The following SEPTIN14 variants were observed in gnomAD, a reference collection of about 807,000 sequenced individuals.
SEPTIN14 encodes the protein septin-14.
SEPTIN14 carries 40 observed loss-of-function variants against 53.6 expected under a neutral mutation model. The ratio of observed to expected loss-of-function variants is 0.75; its 90% confidence interval spans 0.58 to 0.97. SEPTIN14 has a LOEUF of 0.97. Ranked by LOEUF, SEPTIN14 falls within the 50% of genes least tolerant of loss-of-function variation. The pLI is 0.00. For synonymous variants in SEPTIN14, 138 were observed against 166.8 expected (o/e 0.83, Z 1.33); for missense variants, 471 against 508.2 (o/e 0.93, Z 0.70).
intron 7 of SEPTIN14, among the ~76,000 whole-genome samples, chr7:55,817,478 T>TATATA (rs200629230): frequency 3.6e-5 from 4 of 112,512 alleles, no homozygotes; most frequent in African/African-American, 1.4e-4. Flanking sequence ...ATATATATAT[T>TATATA]TTTTTTTTTT....
At chr7:55,859,245 A>T (rs913456395) in intron 2 of SEPTIN14, among the ~76,000 whole-genome samples, 3 of 151,596 alleles carry the variant, frequency 2.0e-5, no homozygotes, top group Non-Finnish European at 4.4e-5. Context: ...TCTTACTTTT[A>T]GGTCTTTTAT....
chr7:55,805,429 G>A, intron 8 of SEPTIN14, 39 bp from the exon 9 acceptor site: 2 of 1,473,788 alleles, frequency 1.4e-6, no homozygotes, highest in East Asian at 2.5e-5. Flanking sequence ...ATTAAAATGA[G>A]GTAGGAGGAT....
intron 2 of SEPTIN14, among the ~76,000 whole-genome samples, chr7:55,856,776 A>G (rs1467856291): frequency 6.6e-6 from 1 of 152,178 alleles, no homozygotes; most frequent in African/African-American, 2.4e-5. Flanking sequence ...TAGCGCTGAG[A>G]TGAAAACAAG....
chr7:55,804,877 TCAA>T (rs746087880), intron 9 of SEPTIN14, among the ~76,000 whole-genome samples: 3 of 152,198 alleles, frequency 2.0e-5, no homozygotes, highest in Admixed American at 6.5e-5. Flanking sequence ...CCAGCATTAG[TCAA>T]CATTTGCTTT....
intron 7 of SEPTIN14, chr7:55,811,328 G>A (rs1181800509): frequency 1.2e-5 from 6 of 508,510 alleles, no homozygotes; most frequent in East Asian, 1.1e-4. Flanking sequence ...CTTTGCAGTC[G>A]AAGTCTTTAA....
rs373430126 is a variant in SEPTIN14 at position 55,795,906 on chromosome 7, G to T, written c.*7C>A. 21 of 1,578,898 alleles carry T rather than the reference G, an allele frequency of 1.3e-5. No individual in the cohort carries two copies. Among genetic ancestry groups the T allele is most frequent in the African/African-American group, 1.1e-4 (8 of 74,484 alleles). Reference sequence around the variant, plus strand: ...TGATAGGGCTCTCAGAATAGTAAGAGAAACTATTATTTCTTACGATGTTTG... The same window carrying T: ...TGATAGGGCTCTCAGAATAGTAAGATAAACTATTATTTCTTACGATGTTTG... On this transcript the variant is annotated 3_prime_UTR_variant, in exon 10 of 10. Coordinates refer to ENST00000388975, the MANE Select transcript of SEPTIN14 (RefSeq NM_207366.3).
chr7:55,854,188 T>A (rs1378005282), intron 2 of SEPTIN14, among the ~76,000 whole-genome samples: 1 of 152,094 alleles, frequency 6.6e-6, no homozygotes, highest in East Asian at 1.9e-4. Context: ...AAAATCACCA[T>A]ATGACTGACT....
chr7:55,860,532 A>T (rs1370604137), intron 2 of SEPTIN14, among the ~76,000 whole-genome samples: 2 of 152,130 alleles, frequency 1.3e-5, no homozygotes, highest in Non-Finnish European at 2.9e-5. Flanking sequence ...AAAAGAGGGG[A>T]TTTGAAATGT....
chr7:55,827,131 T>C (rs1024457835), intron 6 of SEPTIN14, among the ~76,000 whole-genome samples: 2 of 152,178 alleles, frequency 1.3e-5, no homozygotes, highest in Admixed American at 1.3e-4. Flanking sequence ...ATCAAGAAAA[T>C]GGCTAGCCCA....
intron 5 of SEPTIN14, 136 bp from the exon 6 acceptor site, chr7:55,834,722 A>G (rs1259317526): frequency 3.4e-6 from 2 of 585,580 alleles, no homozygotes; most frequent in Non-Finnish European, 5.7e-6. Flanking sequence ...GGCTCACTGC[A>G]AGCTCCGCCT....
chr7:55,862,183 C>T (rs1789760458), intron 1 of SEPTIN14, among the ~76,000 whole-genome samples, 172 bp from the exon 2 acceptor site: 1 of 152,114 alleles, frequency 6.6e-6, no homozygotes, highest in South Asian at 2.1e-4. Context: ...TGGGCTTCTA[C>T]ATGATGAATA....
At chr7:55,802,025 A>G in intron 9 of SEPTIN14, among the ~76,000 whole-genome samples, 1 of 137,460 alleles carries the variant, frequency 7.3e-6, no homozygotes, top group African/African-American at 2.9e-5. Context: ...TATGAGACGG[A>G]GTCTTGCTCT....
chr7:55,857,109 A>G (rs1789644667), intron 2 of SEPTIN14, among the ~76,000 whole-genome samples: 1 of 151,726 alleles, frequency 6.6e-6, no homozygotes, highest in South Asian at 2.1e-4. Context: ...GTGGTGGCTT[A>G]CACCTGTATT....
At chr7:55,853,896 CGTGAGCTCAGGAGTTCGA>C (rs1207276651) in intron 2 of SEPTIN14, among the ~76,000 whole-genome samples, 1 of 152,008 alleles carries the variant, frequency 6.6e-6, no homozygotes, top group Non-Finnish European at 1.5e-5. Flanking sequence ...TGGAAGATCG[CGTGAGCTCAGGAGTTCGA>C]GACCAATCTG....
rs1204076536 is a variant in SEPTIN14, at chr7:55,795,823, T to C, written c.*90A>G. 4 of 1,002,156 alleles carry C rather than the reference T, an allele frequency of 4.0e-6. No individual in the cohort carries two copies. The East Asian group carries it at 9.5e-5, about 24-fold the overall frequency. The allele number at this position is 1,002,156 out of a possible 1,614,324, so 62.1% of individuals were successfully genotyped here. A position where few individuals can be genotyped will look rare whatever the true frequency, so the allele number is the denominator to read the frequency against. ...ACAATAAGCAAGCCAATTTTTAAAA[T>C]GAGAACTTCAGAGTTAAATGCTACA... On this transcript the variant is annotated 3_prime_UTR_variant, in exon 10 of 10. Coordinates refer to ENST00000388975, the MANE Select transcript of SEPTIN14 (RefSeq NM_207366.3).
At chr7:55,854,617 G>A (rs1304501801) in intron 2 of SEPTIN14, among the ~76,000 whole-genome samples, 2 of 152,002 alleles carry the variant, frequency 1.3e-5, no homozygotes, top group African/African-American at 4.8e-5. Flanking sequence ...TTTTAGTAGA[G>A]ATGGGTTTCA....
chr7:55,846,436 A>T, intron 3 of SEPTIN14, 81 bp downstream of exon 3: 1 of 939,634 alleles, frequency 1.1e-6, no homozygotes, highest in Non-Finnish European at 1.6e-6. Context: ...TAATAGCATC[A>T]ATGTTACACT....
chr7:55,800,565 A>G lies in SEPTIN14; in HGVS notation c.1120-4473T>C, dbSNP rs1267963451. 2.6e-5 allele frequency among the ~76,000 whole-genome samples: 4 copies of G among 152,084 alleles called. No individual in the cohort carries two copies. The East Asian group carries it at 5.8e-4, about 22-fold the overall frequency. On this transcript the variant is annotated intron_variant, in intron 9 of 9. Coordinates refer to ENST00000388975, the MANE Select transcript of SEPTIN14 (RefSeq NM_207366.3). The stretch of plus-strand genomic sequence containing the variant: ...CTTGAACCCAGGAGGCAGAGGTTGC[A>G]GTGAGCTGAGATCCCACAGCCGCAC...
rs912487025 is a variant in SEPTIN14, at chr7:55,857,988, G to GA, written c.54+3954dup. On this transcript the variant is annotated intron_variant, in intron 2 of 9. Transcript: ENST00000388975. ...TTCAGTGAAAGATTGATAGGACTCT[G>GA]AAAAAAAAATATCTCTCTCAAGTTA... Among the ~76,000 whole-genome samples, 48 of 151,464 alleles carry GA rather than the reference G, an allele frequency of 3.2e-4. No individual in the cohort carries two copies. The East Asian group carries it at 3.3e-3, about 10-fold the overall frequency.
Sources: allele counts gnomAD v4.1 joint callset (sites outside exome capture counted in the v4.1 genomes callset), GRCh38; gene constraint gnomAD v4.1.1; transcripts MANE v1.5; gene names NCBI Gene and HGNC (gene_info 2026-07-23, HGNC 2026-07-21).